IMMP2L: variants seen among roughly 807,000 people sequenced by gnomAD.
The protein encoded by IMMP2L is mitochondrial inner membrane protease subunit 2.
A neutral mutation model predicts 19.3 loss-of-function variants in IMMP2L; 18 were observed. That is an observed-to-expected ratio of 0.93 (90% CI 0.64 to 1.38). The LOEUF (loss-of-function observed/expected upper bound fraction) is 1.38, where lower values mean the gene tolerates loss of function less well. IMMP2L is among the 40% of genes most tolerant of loss of function. IMMP2L has a pLI of 0.00. For synonymous variants in IMMP2L, 76 were observed against 73.0 expected, an observed-to-expected ratio of 1.04 and a Z score of -0.21; for missense variants, 233 against 218.2, an observed-to-expected ratio of 1.07 and a Z score of -0.43.
At chr7:111,028,559 A>C (rs1480253401) in intron 3 of IMMP2L, among the ~76,000 whole-genome samples, 1 of 152,152 alleles carries the variant, frequency 6.6e-6, no homozygotes, top group Non-Finnish European at 1.5e-5. Flanking sequence ...TTTCTAATGA[A>C]GATGGTATGA....
intron 3 of IMMP2L, chr7:111,124,882 C>G: frequency 1.9e-6 from 3 of 1,581,768 alleles, no homozygotes; most frequent in Non-Finnish European, 2.6e-6. Flanking sequence ...TATAGGTTTA[C>G]CAACAAATAT....
intron 3 of IMMP2L, among the ~76,000 whole-genome samples, chr7:110,995,725 G>C (rs1822960360): frequency 6.6e-6 from 1 of 152,038 alleles, no homozygotes; most frequent in South Asian, 2.1e-4. Context: ...AGGAACCCTG[G>C]ACCAGGGAAA....
intron 4 of IMMP2L, among the ~76,000 whole-genome samples, chr7:110,935,214 T>C (rs913072609): frequency 7.9e-5 from 12 of 152,286 alleles, no homozygotes; most frequent in Admixed American, 3.3e-4. Flanking sequence ...TCTCTCATCA[T>C]TTGCTTGTCT....
Position 111,389,542 on chromosome 7 carries a change from A to T in IMMP2L, c.239+97696T>A, listed in dbSNP as rs568936764. ...TCCAATGTACTCTCAAGCCAAAAAA[A>T]AACTTCAAAATAATAATAATGTGTA... On this transcript the variant is annotated intron_variant, in intron 3 of 5. Coordinates refer to ENST00000405709, the MANE Select transcript of IMMP2L (RefSeq NM_032549.4). Among the ~76,000 whole-genome samples, 3 of 152,194 alleles carry T rather than the reference A, an allele frequency of 2.0e-5. No homozygotes were observed. The South Asian group carries it at 6.2e-4, about 32-fold the overall frequency.
At chr7:110,956,149 G>T (rs542347611) in intron 4 of IMMP2L, among the ~76,000 whole-genome samples, 1 of 151,960 alleles carries the variant, frequency 6.6e-6, no homozygotes, top group East Asian at 1.9e-4. Context: ...GGATTTTTTT[G>T]CTAATACCAG....
intron 3 of IMMP2L, among the ~76,000 whole-genome samples, chr7:111,231,099 A>C (rs537865548): frequency 1.1e-4 from 17 of 151,284 alleles, no homozygotes; most frequent in African/African-American, 3.9e-4. Context: ...GAAACCAATA[A>C]ATTTTCAGAT....
intron 3 of IMMP2L, among the ~76,000 whole-genome samples, chr7:111,040,669 G>C (rs1791806933): frequency 6.7e-6 from 1 of 148,976 alleles, no homozygotes; most frequent in South Asian, 2.1e-4. Flanking sequence ...GAATTAGAAA[G>C]GCAAAGAAAG....
intron 5 of IMMP2L, among the ~76,000 whole-genome samples, chr7:110,734,966 ACTTGCAGAGGTTCC>A (rs1796518919): frequency 6.6e-6 from 1 of 152,220 alleles, no homozygotes; most frequent in African/African-American, 2.4e-5. Context: ...CTATGTACAG[ACTTGCAGAGGTTCC>A]CTTGACAGGG....
At chr7:111,034,488 T>C (rs1381406908) in intron 3 of IMMP2L, among the ~76,000 whole-genome samples, 1 of 152,076 alleles carries the variant, frequency 6.6e-6, no homozygotes, top group Non-Finnish European at 1.5e-5. Flanking sequence ...TCCTAACCAA[T>C]CATAAGGTAT....
At chr7:110,986,220 A>C (rs974783449) in intron 3 of IMMP2L, among the ~76,000 whole-genome samples, 1 of 152,130 alleles carries the variant, frequency 6.6e-6, no homozygotes, top group Non-Finnish European at 1.5e-5. Context: ...TTAAAAAAAA[A>C]ACAAAGTTTG....
At chr7:111,091,861 A>AAGAGAGAAGAC (rs771732419) in intron 3 of IMMP2L, among the ~76,000 whole-genome samples, 2 of 152,040 alleles carry the variant, frequency 1.3e-5, no homozygotes, top group African/African-American at 4.8e-5. Flanking sequence ...GGAGATGGGG[A>AAGAGAGAAGAC]AGAGAGAAGA....
chr7:110,921,567 A>G (rs981077280), intron 4 of IMMP2L, among the ~76,000 whole-genome samples: 3 of 152,198 alleles, frequency 2.0e-5, no homozygotes, highest in African/African-American at 7.2e-5. Context: ...ATCACTGTAA[A>G]GTGCACATAA....
chr7:110,822,732 T>A (rs1803144567), intron 5 of IMMP2L, among the ~76,000 whole-genome samples: 1 of 152,162 alleles, frequency 6.6e-6, no homozygotes, highest in African/African-American at 2.4e-5. Context: ...TTAGAAAGGT[T>A]AGAAGTCTAT....
At chr7:111,277,643 T>A (rs981861067) in intron 3 of IMMP2L, among the ~76,000 whole-genome samples, 4 of 151,600 alleles carry the variant, frequency 2.6e-5, no homozygotes, top group African/African-American at 9.7e-5. Flanking sequence ...TTGTAGGAAT[T>A]TCAGTACAAC....
At chr7:111,270,545 A>G (rs536845117) in intron 3 of IMMP2L, among the ~76,000 whole-genome samples, 104 of 152,280 alleles carry the variant, frequency 6.8e-4, no homozygotes, top group Non-Finnish European at 1.3e-3. Context: ...AATTTCTTTA[A>G]AAATATGATG....
Position 111,304,670 on chromosome 7 carries a change from A to ATGTGTGTGTGTGTGTG in IMMP2L, c.239+182552_239+182567dup, listed in dbSNP as rs147788856. 1.1e-4 allele frequency among the ~76,000 whole-genome samples: 14 copies of ATGTGTGTGTGTGTGTG among 126,060 alleles called. No homozygotes were observed. The East Asian group carries it at 1.5e-3, about 14-fold the overall frequency. The allele number at this position is 126,060 out of a possible 152,430, so 82.7% of individuals were successfully genotyped here. A position where few individuals can be genotyped will look rare whatever the true frequency, so the allele number is the denominator to read the frequency against. The stretch of plus-strand genomic sequence containing the variant: ...GGGTGTTTATACATACACATATATA[A>ATGTGTGTGTGTGTGTG]TGTGTGTGTGTGTGTGTGTGTGTGT... On this transcript the variant is annotated intron_variant, in intron 3 of 5. Coordinates refer to ENST00000405709, the MANE Select transcript of IMMP2L (RefSeq NM_032549.4).
intron 3 of IMMP2L, among the ~76,000 whole-genome samples, chr7:111,010,128 A>G (rs1824778319): frequency 6.6e-6 from 1 of 152,144 alleles, no homozygotes; most frequent in Non-Finnish European, 1.5e-5. Flanking sequence ...AGGCAAAGTA[A>G]AAAGTAAAGA....
chr7:110,981,018 G>T (rs564563178), intron 3 of IMMP2L, among the ~76,000 whole-genome samples: 7 of 152,128 alleles, frequency 4.6e-5, no homozygotes. Context: ...CTTCCAAAAA[G>T]AGACCTCAGT....
chr7:110,822,003 T>C (rs1006344043), intron 5 of IMMP2L, among the ~76,000 whole-genome samples: 2 of 152,124 alleles, frequency 1.3e-5, no homozygotes, highest in Admixed American at 1.3e-4. Context: ...TTCTAACTTC[T>C]AGTCAGTCAA....
Sources: gnomAD v4.1 joint callset for allele counts (sites outside exome capture counted in the v4.1 genomes callset) on GRCh38, gnomAD v4.1.1 for gene constraint, MANE v1.5 for transcripts, NCBI Gene and HGNC (gene_info 2026-07-23, HGNC 2026-07-21) for gene names.